The following SGCZ variants were observed in gnomAD, a reference collection of about 807,000 sequenced individuals.
The protein encoded by SGCZ is sarcoglycan zeta, also known as zeta-sarcoglycan.
A neutral mutation model predicts 41.3 loss-of-function variants in SGCZ; 40 were observed. The observed-to-expected ratio is 0.97, with a 90% CI of 0.75 to 1.26. The LOEUF (loss-of-function observed/expected upper bound fraction) is 1.26, where lower values mean the gene tolerates loss of function less well. SGCZ is among the 50% of genes most tolerant of loss of function. The pLI is 0.00. For synonymous variants in SGCZ, 206 were observed against 137.5 expected, an observed-to-expected ratio of 1.50 and a Z score of -3.49; for missense variants, 552 against 369.8, an observed-to-expected ratio of 1.49 and a Z score of -4.04.
At chr8:15,100,252 G>T (rs982132823) in intron 1 of SGCZ, among the ~76,000 whole-genome samples, 5 of 151,870 alleles carry the variant, frequency 3.3e-5, no homozygotes, top group African/African-American at 1.2e-4. Flanking sequence ...ATTATAGCAA[G>T]GTTGCAGGAT....
chr8:14,961,342 T>C (rs2130851392), intron 1 of SGCZ, among the ~76,000 whole-genome samples: 1 of 152,226 alleles, frequency 6.6e-6, no homozygotes, highest in South Asian at 2.1e-4. Context: ...GAAAATACGC[T>C]GGTTTCTAAA....
In SGCZ at chr8:15,008,885, A is replaced by AT. The variant is rs1018734907; in HGVS notation, c.39+228699dup. Among the ~76,000 whole-genome samples, 17 of 151,998 alleles carry AT rather than the reference A, an allele frequency of 1.1e-4. No individual in the cohort carries two copies. The South Asian group carries it at 2.1e-3, about 19-fold the overall frequency. ...ACAATTTTAAGTCCCTGACAATCAC[A>AT]TTTTTTTATTTTTAAGGAAAAAACT... On this transcript the variant is annotated intron_variant, in intron 1 of 7. Coordinates refer to ENST00000382080, the MANE Select transcript of SGCZ (RefSeq NM_139167.4).
chr8:14,693,318 A>G (rs189079210), intron 1 of SGCZ, among the ~76,000 whole-genome samples: 1 of 151,538 alleles, frequency 6.6e-6, no homozygotes. Flanking sequence ...CCCAGATGAA[A>G]TCTTGCTCTG....
chr8:14,273,368 G>A (rs1012664361), intron 3 of SGCZ, among the ~76,000 whole-genome samples: 1 of 151,920 alleles, frequency 6.6e-6, no homozygotes. Context: ...TGAAATGTGA[G>A]CACAAAGCTC....
At chr8:15,228,918 G>A (rs1329589052) in intron 1 of SGCZ, among the ~76,000 whole-genome samples, 1 of 152,190 alleles carries the variant, frequency 6.6e-6, no homozygotes, top group African/African-American at 2.4e-5. Flanking sequence ...TGCAGGCTGG[G>A]CATGGTGGCT....
At chr8:14,582,900 G>A (rs1324919092) in intron 1 of SGCZ, among the ~76,000 whole-genome samples, 1 of 151,578 alleles carries the variant, frequency 6.6e-6, no homozygotes, top group African/African-American at 2.4e-5. Context: ...TCTTAATCCA[G>A]TCTATCATTG....
intron 1 of SGCZ, among the ~76,000 whole-genome samples, chr8:14,824,299 A>G (rs1802214621): frequency 6.6e-6 from 1 of 152,124 alleles, no homozygotes; most frequent in Admixed American, 6.5e-5. Flanking sequence ...GGATACACTG[A>G]CTACCGATTA....
At chr8:14,529,981 C>T (rs760462528) in intron 2 of SGCZ, among the ~76,000 whole-genome samples, 3 of 152,174 alleles carry the variant, frequency 2.0e-5, no homozygotes, top group East Asian at 1.9e-4. Flanking sequence ...TGCACAAGTG[C>T]TGCATAATAC....
chr8:14,140,783 C>G (rs1261256508), intron 5 of SGCZ, among the ~76,000 whole-genome samples: 20 of 152,170 alleles, frequency 1.3e-4, no homozygotes. Context: ...CCCCATCAAG[C>G]TACCAATGCC....
intron 1 of SGCZ, among the ~76,000 whole-genome samples, chr8:14,714,077 T>C (rs531282352): frequency 3.9e-5 from 6 of 152,124 alleles, no homozygotes; most frequent in South Asian, 4.1e-4. Flanking sequence ...AAGCAATTCT[T>C]CTGCCTCAGC....
intron 4 of SGCZ, among the ~76,000 whole-genome samples, chr8:14,234,851 G>A (rs1355510536): frequency 6.6e-6 from 1 of 151,964 alleles, no homozygotes; most frequent in Non-Finnish European, 1.5e-5. Context: ...TCTGAACATG[G>A]GATACACTTT....
intron 3 of SGCZ, chr8:14,309,509 G>C: frequency 1.2e-6 from 2 of 1,608,948 alleles, no homozygotes; most frequent in South Asian, 1.1e-5. Context: ...TGATAAGAGA[G>C]CAGTGTGGAC....
At chr8:14,135,823 T>A (rs957142848) in intron 5 of SGCZ, among the ~76,000 whole-genome samples, 2 of 152,064 alleles carry the variant, frequency 1.3e-5, no homozygotes, top group African/African-American at 4.8e-5. Flanking sequence ...AGATTGGTAG[T>A]ACCCTGATAC....
Position 14,084,966 on chromosome 8 carries a change from C to T in SGCZ, c.*5477G>A, listed in dbSNP as rs1240835437. 2.6e-5 allele frequency among the ~76,000 whole-genome samples: 4 copies of T among 151,690 alleles called. No individual in the cohort carries two copies. Among genetic ancestry groups the T allele is most frequent in the African/African-American group, 9.7e-5 (4 of 41,370 alleles). On this transcript the variant is annotated 3_prime_UTR_variant, in exon 8 of 8. Coordinates refer to ENST00000382080, the MANE Select transcript of SGCZ (RefSeq NM_139167.4). ...TTAAATTATATGAGCTCATTGCATG[C>T]TTCAAAAGGTCTCATTTCAGAGAAA...
At chr8:14,494,600 T>G (rs1801937401) in intron 2 of SGCZ, among the ~76,000 whole-genome samples, 1 of 152,154 alleles carries the variant, frequency 6.6e-6, no homozygotes, top group Admixed American at 6.5e-5. Flanking sequence ...AGAAGTTGTT[T>G]GATTTTGTAT....
At chr8:15,065,452 A>ATTG (rs1805099844) in intron 1 of SGCZ, among the ~76,000 whole-genome samples, 1 of 145,214 alleles carries the variant, frequency 6.9e-6, no homozygotes, top group Non-Finnish European at 1.5e-5. Flanking sequence ...TATTATTATT[A>ATTG]TTATTATTTT....
intron 4 of SGCZ, among the ~76,000 whole-genome samples, chr8:14,213,181 G>C (rs925295899): frequency 1.3e-5 from 2 of 151,242 alleles, no homozygotes; most frequent in African/African-American, 4.8e-5. Context: ...CCAACTTGTG[G>C]TAAGACATAA....
intron 5 of SGCZ, among the ~76,000 whole-genome samples, chr8:14,127,501 G>C (rs1051244708): frequency 6.6e-6 from 1 of 151,800 alleles, no homozygotes; most frequent in African/African-American, 2.4e-5. Context: ...TGTCACCCAG[G>C]CTGGAATGCA....
intron 2 of SGCZ, among the ~76,000 whole-genome samples, chr8:14,385,162 G>T (rs1804527852): frequency 6.6e-6 from 1 of 152,214 alleles, no homozygotes; most frequent in East Asian, 1.9e-4. Flanking sequence ...TCACGATAGG[G>T]GATTTCAAGC....
Sources: allele counts gnomAD v4.1 joint callset (sites outside exome capture counted in the v4.1 genomes callset), GRCh38; gene constraint gnomAD v4.1.1; transcripts MANE v1.5; gene names NCBI Gene and HGNC (gene_info 2026-07-23, HGNC 2026-07-21).